The following CDH9 variants were observed in gnomAD, a reference collection of about 807,000 sequenced individuals.
CDH9 encodes the protein cadherin 9, also known as cadherin-9.
CDH9 carries 28 observed loss-of-function variants against 70.9 expected under a neutral mutation model. The ratio of observed to expected loss-of-function variants is 0.40; its 90% CI spans 0.29 to 0.54. The LOEUF (loss-of-function observed/expected upper bound fraction) is 0.54. Ranked by LOEUF, CDH9 falls within the 20% of genes least tolerant of loss-of-function variation. The pLI is 0.59. For missense variants in CDH9, 874 were observed against 984.4 expected (o/e 0.89, Z 1.50); for synonymous variants, 409 against 343.1 (o/e 1.19, Z -2.12).
intron 7 of CDH9, among the ~76,000 whole-genome samples, chr5:26,893,718 C>T (rs1448163113): frequency 6.6e-6 from 1 of 151,090 alleles, no homozygotes; most frequent in Non-Finnish European, 1.5e-5. Flanking sequence ...TTTTTGGAAG[C>T]AAATGTCATG....
chr5:27,029,748 G>A (rs1338907687), intron 1 of CDH9, among the ~76,000 whole-genome samples: 1 of 151,878 alleles, frequency 6.6e-6, no homozygotes, highest in African/African-American at 2.4e-5. Context: ...GGAAAGTGAA[G>A]GGCTCATACA....
At chr5:26,926,536 A>G (rs547619374) in intron 2 of CDH9, among the ~76,000 whole-genome samples, 40 of 152,266 alleles carry the variant, frequency 2.6e-4, no homozygotes, top group African/African-American at 9.4e-4. Context: ...GTATAGATTC[A>G]ATGCCATCCC....
At chr5:26,941,493 T>G (rs904212020) in intron 2 of CDH9, among the ~76,000 whole-genome samples, 1 of 152,216 alleles carries the variant, frequency 6.6e-6, no homozygotes, top group Non-Finnish European at 1.5e-5. Flanking sequence ...CCTGTCATTG[T>G]GACACAGAAA....
chr5:26,974,698 A>G (rs1007221802), intron 2 of CDH9, among the ~76,000 whole-genome samples: 4 of 152,194 alleles, frequency 2.6e-5, no homozygotes, highest in African/African-American at 9.6e-5. Flanking sequence ...TACAAATGAC[A>G]AATACAAAAT....
intron 1 of CDH9, among the ~76,000 whole-genome samples, chr5:27,003,408 A>G (rs1023900308): frequency 1.1e-4 from 16 of 152,082 alleles, no homozygotes; most frequent in African/African-American, 3.9e-4. Context: ...GCACAGAGTA[A>G]TTTCCTTCCA....
intron 1 of CDH9, among the ~76,000 whole-genome samples, chr5:27,003,498 A>G (rs73076045): frequency 6.6e-6 from 1 of 152,226 alleles, no homozygotes; most frequent in African/African-American, 2.4e-5. Context: ...GTCCAATATC[A>G]CAATATTAAA....
chr5:26,929,986 G>T (rs1320982348), intron 2 of CDH9, among the ~76,000 whole-genome samples: 1 of 151,916 alleles, frequency 6.6e-6, no homozygotes, highest in Non-Finnish European at 1.5e-5. Flanking sequence ...ATAACTAAAA[G>T]AGTATAATTG....
chr5:26,921,491 A>G (rs1417637928), intron 2 of CDH9, among the ~76,000 whole-genome samples: 1 of 152,206 alleles, frequency 6.6e-6, no homozygotes, highest in Non-Finnish European at 1.5e-5. Context: ...CCATCCTGGG[A>G]CGGGAACTAG....
chr5:26,971,939 A>G (rs1742226406), intron 2 of CDH9, among the ~76,000 whole-genome samples: 1 of 152,242 alleles, frequency 6.6e-6, no homozygotes, highest in Non-Finnish European at 1.5e-5. Context: ...TCATAGAATA[A>G]AATGGAAGGT....
chr5:26,927,749 A>G (rs1165690020), intron 2 of CDH9, among the ~76,000 whole-genome samples: 1 of 152,064 alleles, frequency 6.6e-6, no homozygotes, highest in Non-Finnish European at 1.5e-5. Context: ...CTCTGCCCTT[A>G]AAGAGTTTGC....
chr5:27,004,765 C>T (rs1251557604), intron 1 of CDH9, among the ~76,000 whole-genome samples: 1 of 152,084 alleles, frequency 6.6e-6, no homozygotes, highest in African/African-American at 2.4e-5. Flanking sequence ...CCCTATTTAA[C>T]ATCCAAGTGG....
In CDH9 at chr5:26,881,138, A is replaced by G. The variant is rs768097027; in HGVS notation, c.2368T>C (p.Ter790GlnextTer6). 1 of 1,599,292 alleles carries G rather than the reference A, an allele frequency of 6.3e-7. No individual in the cohort carries two copies. Among genetic ancestry groups the G allele is most frequent in the Non-Finnish European group, 8.5e-7 (1 of 1,172,696 alleles). Residue 790 changes from the stop codon to glutamine, a stop_lost, in exon 12 of 12, where the codon TAA becomes CAA. Coordinates refer to ENST00000231021, the MANE Select transcript of CDH9 (RefSeq NM_016279.4). The part of the protein sequence containing the change: ...MYGGDDSDRD[*>Q] ...ATTGATTAAGTCAAACAATCCTCTT[A>G]GTCTCGGTCACTATCATCACCCCCA...
At chr5:26,994,423 C>G (rs911220839) in intron 1 of CDH9, among the ~76,000 whole-genome samples, 6 of 151,992 alleles carry the variant, frequency 3.9e-5, no homozygotes, top group Admixed American at 1.3e-4. Flanking sequence ...TTAGGAGATA[C>G]CAAGGTTAGA....
chr5:27,029,211 T>C (rs998803058), intron 1 of CDH9, among the ~76,000 whole-genome samples: 5 of 152,050 alleles, frequency 3.3e-5, no homozygotes, highest in Non-Finnish European at 7.4e-5. Context: ...AGCATAATTA[T>C]TGTGTTAATT....
Position 26,902,484 on chromosome 5 carries a change from A to G in CDH9, c.1245T>C (p.Asn415=). Residue 415 remains asparagine (N), a synonymous_variant, in exon 7 of 12, where the codon AAT becomes AAC. Coordinates refer to ENST00000231021, the MANE Select transcript of CDH9 (RefSeq NM_016279.4). ...VTAYDPDARN[N]LIKYSVDRHT... is the part of the protein sequence containing the mutation. ...GTTTTCAAAGTACTTACTTTATTAA[A>G]TTGTTCCTGGCATCTGGATCGTATG... The G allele has an allele frequency of 6.3e-7, 1 of 1,597,806 alleles. No individual in the cohort carries two copies. Among genetic ancestry groups the G allele is most frequent in the Non-Finnish European group, 8.6e-7 (1 of 1,167,114 alleles).
intron 3 of CDH9, among the ~76,000 whole-genome samples, chr5:26,907,910 A>T (rs919316789): frequency 6.6e-6 from 1 of 152,148 alleles, no homozygotes. Context: ...CATGCATTAC[A>T]CACTCAATAA....
chr5:26,935,444 ACT>A (rs779127109), intron 2 of CDH9, among the ~76,000 whole-genome samples: 8 of 152,080 alleles, frequency 5.3e-5, no homozygotes, highest in Non-Finnish European at 8.8e-5. Context: ...AAGAAATAAA[ACT>A]CTCTTTGTGC....
At chr5:26,926,070 T>A (rs934715526) in intron 2 of CDH9, among the ~76,000 whole-genome samples, 2 of 152,112 alleles carry the variant, frequency 1.3e-5, no homozygotes, top group Admixed American at 6.6e-5. Context: ...CTATTCAACG[T>A]AGTGTTGGAA....
At chr5:26,912,834 C>A (rs1259584767) in intron 3 of CDH9, among the ~76,000 whole-genome samples, 1 of 152,112 alleles carries the variant, frequency 6.6e-6, no homozygotes, top group Non-Finnish European at 1.5e-5. Context: ...TCCCATGTGT[C>A]ACGGGAGGCC....
Sources: gnomAD v4.1 joint callset for allele counts (sites outside exome capture counted in the v4.1 genomes callset) on GRCh38, gnomAD v4.1.1 for gene constraint, MANE v1.5 for transcripts, NCBI Gene and HGNC (gene_info 2026-07-23, HGNC 2026-07-21) for gene names.